The following MAP3K21 variants were observed in gnomAD, a reference collection of about 807,000 sequenced individuals.
MAP3K21 encodes mitogen-activated protein kinase kinase kinase 21, also known as mitogen-activated protein kinase kinase kinase MLK4.
MAP3K21 carries 63 observed loss-of-function variants against 86.1 expected under a neutral mutation model. The ratio of observed to expected loss-of-function variants is 0.73; its 90% confidence interval spans 0.60 to 0.90. The LOEUF is 0.90. MAP3K21 is among the 40% of genes least tolerant of loss of function. MAP3K21 has a pLI of 0.00. For missense variants in MAP3K21, 1,220 were observed against 1,367.7 expected, an observed-to-expected ratio of 0.89 and a Z score of 1.70; for synonymous variants, 558 against 564.8, an observed-to-expected ratio of 0.99 and a Z score of 0.17.
rs1426611631 is a variant in MAP3K21 at position 233,384,628 on chromosome 1, C to T, written c.*1917C>T. On this transcript the variant is annotated 3_prime_UTR_variant, in exon 10 of 10. Transcript: ENST00000366624. ...AGAAAAAGGATGGAAACTATGTCCT[C>T]AGTTTTACTTCTACCAAAACATCCC... 3 of 152,020 alleles carry T rather than the reference C, an allele frequency of 2.0e-5. No homozygotes were observed. Among genetic ancestry groups the T allele is most frequent in the African/African-American group, 7.2e-5 (3 of 41,400 alleles). The allele number at this position is 152,020 out of a possible 1,614,324, so 9.4% of individuals were successfully genotyped here.
At position 233,379,326 on chromosome 1, in the gene MAP3K21, G is replaced by T. The variant is rs770338601; in HGVS notation, c.2320G>T (p.Ala774Ser). Residue 774 changes from alanine to serine, a missense_variant, in exon 9 of 10, where the codon GCC (alanine) becomes TCC (serine). Physicochemically the swap from Ala to Ser is moderately conservative, Grantham distance 99 (BLOSUM62 1). Around this residue, in one of 5 missense-constraint regions of MAP3K21, gnomAD observed 632 missense variants for 691.3 expected, o/e 0.91. Coordinates refer to ENST00000366624, the MANE Select transcript of MAP3K21 (RefSeq NM_032435.3). ...GCGGGCTTCCAAGTCCCGCAGAAGC[G>T]CCAGTCCTCCCACAAGCCTGCCATC... is the stretch of plus-strand genomic sequence containing the variant. ...FQRASKSRRS[A>S]SPPTSLPSTC... The T allele has an allele frequency of 2.5e-6, 4 of 1,614,058 alleles. No individual in the cohort carries two copies. The African/African-American group carries it at 5.3e-5, about 22-fold the overall frequency.
In MAP3K21 at chr1:233,336,226, A is replaced by G. The variant is rs146760971; in HGVS notation, c.805+7393A>G. On this transcript the variant is annotated intron_variant, in intron 1 of 9. Coordinates refer to ENST00000366624, the MANE Select transcript of MAP3K21 (RefSeq NM_032435.3). ...AAATCTTGGAATATATAGAACTGAC[A>G]TAGTTTTAAGTGAAAATTAAAATTT... is the stretch of plus-strand genomic sequence containing the variant. Among the ~76,000 whole-genome samples, 739 of 152,294 alleles carry G rather than the reference A, an allele frequency of 4.9e-3. 5 individuals carry two copies. Among genetic ancestry groups the G allele is most frequent in the African/African-American group, 0.017 (718 of 41,558 alleles).
rs1662755261 is a variant in MAP3K21, at chr1:233,328,695, G to T, written c.667G>T (p.Ala223Ser). The change falls in exon 1 of 10, where the codon GCG (alanine) becomes TCG (serine). Residue 223 changes from alanine (A) to serine (S), a missense_variant. Physicochemically the swap from Ala to Ser is moderately conservative, Grantham distance 99. Around this residue, in one of 5 missense-constraint regions of MAP3K21, gnomAD observed 369 missense variants for 385.3 expected, o/e 0.96. Transcript: ENST00000366624. This position sits in a 1 kb window ranked among gnomAD's most constrained non-coding sequence, Gnocchi z 8.7. ...TGCCAACGCCGCCCCGGACCCGCGCGCGCCCGGCCCCCGCCGCGCGCGCCG... is the reference window on the plus strand; with the variant it reads ...TGCCAACGCCGCCCCGGACCCGCGCTCGCCCGGCCCCCGCCGCGCGCGCCG... ...AAANAAPDPR[A>S]PGPRRARRIP... 1.5e-6 allele frequency: 2 copies of T among 1,355,116 alleles called. No individual in the cohort carries two copies. The highest frequency in any genetic ancestry group is 3.4e-5 in the Admixed American group (1 of 29,084). The allele number at this position is 1,355,116 out of a possible 1,614,324, so 83.9% of individuals were successfully genotyped here.
At chr1:233,342,228 A>T (rs1297779459) in intron 1 of MAP3K21, among the ~76,000 whole-genome samples, 1 of 152,254 alleles carries the variant, frequency 6.6e-6, no homozygotes, top group Non-Finnish European at 1.5e-5. Flanking sequence ...TCTTATAACC[A>T]ATAGCTTCTG....
intron 1 of MAP3K21, among the ~76,000 whole-genome samples, chr1:233,336,487 G>T (rs1395979974): frequency 6.6e-6 from 1 of 151,858 alleles, no homozygotes; most frequent in Admixed American, 6.6e-5. Flanking sequence ...GTTGTAGTGA[G>T]CTGAAATTGT....
At chr1:233,353,308 T>G (rs962786) in intron 2 of MAP3K21, among the ~76,000 whole-genome samples, 68,949 of 151,976 alleles carry the variant, frequency 0.45, 16,134 homozygotes, top group Admixed American at 0.56. Context: ...GGCAGGAAGA[T>G]AAACAGTTTC....
rs1214457755 is a variant in MAP3K21, at chr1:233,379,584, A to G, written c.2578A>G (p.Ser860Gly). The G allele has an allele frequency of 5.0e-6, 8 of 1,614,078 alleles. No homozygotes were observed. Among genetic ancestry groups the G allele is most frequent in the Admixed American group, 3.3e-5 (2 of 60,004 alleles). ...ALMPRLDTDC[S>G]VSRNLPSSFL... Reference sequence around the variant, plus strand: ...CATGCCAAGACTTGACACTGATTGTAGTGTATCAAGAAACTTGCCGTCTTC... The same window carrying G: ...CATGCCAAGACTTGACACTGATTGTGGTGTATCAAGAAACTTGCCGTCTTC... The change falls in exon 9 of 10, where the codon AGT (serine) becomes GGT (glycine). Residue 860 changes from serine (S) to glycine (G), a missense_variant. Coordinates refer to ENST00000366624, the MANE Select transcript of MAP3K21 (RefSeq NM_032435.3).
chr1:233,357,365 G>T (rs1186888742), intron 4 of MAP3K21, among the ~76,000 whole-genome samples: 1 of 150,958 alleles, frequency 6.6e-6, no homozygotes, highest in Non-Finnish European at 1.5e-5. Flanking sequence ...TAAGAAACCT[G>T]CACGTTGTGC....
At chr1:233,350,533 C>T (rs1029583599) in intron 2 of MAP3K21, among the ~76,000 whole-genome samples, 9 of 152,176 alleles carry the variant, frequency 5.9e-5, no homozygotes, top group African/African-American at 2.2e-4. Flanking sequence ...AAAAGCATGG[C>T]TTTACCTATG....
chr1:233,337,860 C>A (rs768463902), intron 1 of MAP3K21, among the ~76,000 whole-genome samples: 2 of 152,170 alleles, frequency 1.3e-5, no homozygotes, highest in Admixed American at 6.5e-5. Context: ...CATTCCATTT[C>A]GGGAAGTATC....
At chr1:233,334,724 G>A (rs1283830557) in intron 1 of MAP3K21, among the ~76,000 whole-genome samples, 3 of 152,202 alleles carry the variant, frequency 2.0e-5, no homozygotes, top group Non-Finnish European at 4.4e-5. Flanking sequence ...GAGGAGTAGT[G>A]TAGTATGATC....
Position 233,379,685 on chromosome 1 carries a change from C to A in MAP3K21, c.2679C>A (p.Thr893=). Residue 893 remains threonine (T), a synonymous_variant, in exon 9 of 10, where the codon ACC becomes ACA. Coordinates refer to ENST00000366624, the MANE Select transcript of MAP3K21 (RefSeq NM_032435.3). Reference sequence around the variant, plus strand: ...ATAGACCGTCACATCACAGACGGACCATGTCTGATGGAAATCCGACCCCAA... The same window carrying A: ...ATAGACCGTCACATCACAGACGGACAATGTCTGATGGAAATCCGACCCCAA... The part of the protein sequence containing the change: ...SKHRPSHHRR[T]MSDGNPTPTG... The A allele has an allele frequency of 6.2e-7, 1 of 1,611,724 alleles. No homozygotes were observed. The highest frequency in any genetic ancestry group is 2.2e-5 in the East Asian group (1 of 44,842).
chr1:233,361,931 T>A (rs1663471808), intron 4 of MAP3K21, 122 bp from the exon 5 acceptor site: 1 of 1,245,596 alleles, frequency 8.0e-7, no homozygotes, highest in African/African-American at 1.5e-5. Flanking sequence ...GAAGAGGGAA[T>A]TTCAGCTTCT....
chr1:233,376,952 C>T lies in MAP3K21; in HGVS notation c.1924+425C>T, dbSNP rs116045836. On this transcript the variant is annotated intron_variant, in intron 8 of 9. Coordinates refer to ENST00000366624, the MANE Select transcript of MAP3K21 (RefSeq NM_032435.3). Reference sequence around the variant, plus strand: ...AACTATGAAAAACACAAAAACTAGCCGGCATGGTGGTGCTTGCTTGTAATC... The same window carrying T: ...AACTATGAAAAACACAAAAACTAGCTGGCATGGTGGTGCTTGCTTGTAATC... Among the ~76,000 whole-genome samples the T allele has an allele frequency of 7.5e-3, 1,140 of 152,104 alleles. 12 individuals carry two copies. Among genetic ancestry groups the T allele is most frequent in the African/African-American group, 0.026 (1,080 of 41,488 alleles).
In MAP3K21 at chr1:233,379,438, G is replaced by A; in HGVS notation, c.2432G>A (p.Cys811Tyr). Reference sequence around the variant, plus strand: ...TCCACACCTTCTTTCTCCACAAAGTGCCTGCTGCAGATGGACAGTGAAGAT... The same window carrying A: ...TCCACACCTTCTTTCTCCACAAAGTACCTGCTGCAGATGGACAGTGAAGAT... ...ILSTPSFSTK[C>Y]LLQMDSEDPL... The change falls in exon 9 of 10, where the codon TGC becomes TAC. Residue 811 changes from cysteine (C) to tyrosine (Y), a missense_variant. Physicochemically the swap from Cys to Tyr is radical, Grantham distance 194. Transcript: ENST00000366624. The A allele has an allele frequency of 6.2e-7, 1 of 1,614,170 alleles. No homozygotes were observed. The highest frequency in any genetic ancestry group is 8.5e-7 in the Non-Finnish European group (1 of 1,180,044).
At chr1:233,340,574 G>A (rs1370425562) in intron 1 of MAP3K21, among the ~76,000 whole-genome samples, 2 of 151,966 alleles carry the variant, frequency 1.3e-5, no homozygotes, top group Non-Finnish European at 2.9e-5. Context: ...AGTGGGGTAT[G>A]TGTCCGGGGT....
At chr1:233,336,335 G>A (rs1662913834) in intron 1 of MAP3K21, among the ~76,000 whole-genome samples, 1 of 152,078 alleles carries the variant, frequency 6.6e-6, no homozygotes, top group Non-Finnish European at 1.5e-5. Context: ...GAGGTCAGGA[G>A]TTCAAGATCA....
At chr1:233,343,375 A>C (rs1663074440) in intron 1 of MAP3K21, among the ~76,000 whole-genome samples, 1 of 152,162 alleles carries the variant, frequency 6.6e-6, no homozygotes, top group Non-Finnish European at 1.5e-5. Flanking sequence ...ACTCCTCCCT[A>C]CAATCTTATG....
rs990069395 is a variant in MAP3K21 at position 233,338,348 on chromosome 1, C to T, written c.806-8094C>T. Reference sequence around the variant, plus strand: ...ATATTATATGCGGAACTCTCCTAGGCGCTTGGTATTGTGTAGTGAACAAAG... The same window carrying T: ...ATATTATATGCGGAACTCTCCTAGGTGCTTGGTATTGTGTAGTGAACAAAG... On this transcript the variant is annotated intron_variant, in intron 1 of 9. Transcript: ENST00000366624. Among the ~76,000 whole-genome samples the T allele has an allele frequency of 3.9e-5, 6 of 152,150 alleles. No homozygotes were observed. The East Asian group carries it at 5.8e-4, about 15-fold the overall frequency.
Sources: allele counts gnomAD v4.1 joint callset (sites outside exome capture counted in the v4.1 genomes callset), GRCh38; gene constraint gnomAD v4.1.1; regional missense constraint gnomAD v4.1.1; non-coding constraint Gnocchi (gnomAD v3.1); transcripts MANE v1.5; gene names NCBI Gene and HGNC (gene_info 2026-07-23, HGNC 2026-07-21).